RBM25: variants seen among roughly 807,000 people sequenced by gnomAD.
RBM25 encodes RNA binding motif protein 25, also known as RNA-binding protein 25.
In RBM25, 19 loss-of-function variants were observed where a neutral mutation model predicts 120.7. That is an observed-to-expected ratio of 0.16 (90% CI 0.11 to 0.23). RBM25 has a LOEUF of 0.23. RBM25 is among the 10% of genes least tolerant of loss of function. RBM25 has a pLI of 1.00. For missense variants in RBM25, 605 were observed against 1,041.5 expected (o/e 0.58, Z 5.77); for synonymous variants, 390 against 326.7 (o/e 1.19, Z -2.09).
chr14:73,109,467 C>T lies in RBM25; in HGVS notation c.1667C>T (p.Pro556Leu). The change falls in exon 14 of 19, where the codon CCA becomes CTA. Residue 556 changes from proline to leucine, a missense_variant. By Grantham distance (98) the Pro-to-Leu change is moderately conservative (BLOSUM62 -3). Transcript: ENST00000261973. ...IRQRLLAEGH[P>L]DPDAELQRME... The stretch of plus-strand genomic sequence containing the variant: ...CAGCGCCTTCTGGCAGAAGGGCATC[C>T]AGATCCAGATGCAGAGCTCCAGAGG... 1 of 1,614,072 alleles carries T rather than the reference C, an allele frequency of 6.2e-7. No homozygotes were observed. The highest frequency in any genetic ancestry group is 8.5e-7 in the Non-Finnish European group (1 of 1,179,974).
chr14:73,103,031 G>A, intron 9 of RBM25, 161 bp from the exon 10 acceptor site: 1 of 1,424,892 alleles, frequency 7.0e-7, no homozygotes, highest in Non-Finnish European at 9.5e-7. Flanking sequence ...TTCTAGTCTT[G>A]TGATTGCTTC....
chr14:73,086,444 A>C (rs2140439465), intron 5 of RBM25, among the ~76,000 whole-genome samples: 1 of 152,056 alleles, frequency 6.6e-6, no homozygotes, highest in East Asian at 1.9e-4. Context: ...CTAAAAAAAA[A>C]AAAAAACAAA....
chr14:73,061,796 G>A (rs1023834710), intron 1 of RBM25, among the ~76,000 whole-genome samples: 1 of 151,296 alleles, frequency 6.6e-6, no homozygotes, highest in South Asian at 2.1e-4. Flanking sequence ...TGGAACTCAG[G>A]CTCAAAGGAT....
intron 10 of RBM25, among the ~76,000 whole-genome samples, chr14:73,105,220 A>T (rs1262699452): frequency 6.8e-6 from 1 of 146,092 alleles, no homozygotes; most frequent in Non-Finnish European, 1.5e-5. Context: ...GGATCTTCCC[A>T]CATCAGCCTC....
intron 12 of RBM25, among the ~76,000 whole-genome samples, chr14:73,106,819 G>GTA (rs1390371497): frequency 1.3e-5 from 2 of 149,656 alleles, no homozygotes; most frequent in Non-Finnish European, 3.0e-5. Context: ...ATACATACAT[G>GTA]TATACATATA....
In RBM25 at chr14:73,112,246, C is replaced by G; in HGVS notation, c.2387C>G (p.Ser796Cys). 1.3e-6 allele frequency: 2 copies of G among 1,596,442 alleles called. No individual in the cohort carries two copies. The highest frequency in any genetic ancestry group is 2.3e-5 in the East Asian group (1 of 44,118). ...GCTACATTAGTTGATTTTGTTTGTT[C>G]TAAGGTTAGTCTTCTATTCTCTTCC... is the stretch of plus-strand genomic sequence containing the variant. ...EEATLVDFVC[S>C]KVMAHSSPQS... Residue 796 changes from serine to cysteine, a missense_variant, in exon 17 of 19, where the codon TCT becomes TGT. By Grantham distance (112) the Ser-to-Cys change is moderately radical. Transcript: ENST00000261973.
chr14:73,118,392 C>T (rs938982482), intron 18 of RBM25, among the ~76,000 whole-genome samples: 2 of 151,410 alleles, frequency 1.3e-5, no homozygotes, highest in African/African-American at 4.9e-5. Flanking sequence ...GTGGGAGTAT[C>T]ACTTGAGCCT....
intron 14 of RBM25, 52 bp from the exon 15 acceptor site, chr14:73,110,775 AAATC>A: frequency 6.5e-7 from 1 of 1,537,458 alleles, no homozygotes; most frequent in Non-Finnish European, 8.7e-7. Context: ...TGTAAAACAA[AAATC>A]AAGTTGAATG....
At chr14:73,105,126 C>CTTTTCTTTT (rs762400883) in intron 10 of RBM25, among the ~76,000 whole-genome samples, 1 of 109,564 alleles carries the variant, frequency 9.1e-6, no homozygotes, top group Non-Finnish European at 1.8e-5. Flanking sequence ...GGTTTTATTA[C>CTTTTCTTTT]TTTTTTTTTT....
chr14:73,063,231 G>C (rs890533573), intron 1 of RBM25, among the ~76,000 whole-genome samples: 2 of 150,852 alleles, frequency 1.3e-5, no homozygotes, highest in Admixed American at 6.6e-5. Context: ...CTCACTGCAA[G>C]CTCCGCCTCC....
chr14:73,108,897 CTGT>C (rs1896246492), intron 13 of RBM25, among the ~76,000 whole-genome samples: 1 of 152,180 alleles, frequency 6.6e-6, no homozygotes, highest in South Asian at 2.1e-4. Flanking sequence ...CCTCTGCTTT[CTGT>C]TGATTCTACA....
At chr14:73,103,984 A>ACT (rs1566597538) in intron 10 of RBM25, among the ~76,000 whole-genome samples, 6 of 114,856 alleles carry the variant, frequency 5.2e-5, no homozygotes, top group African/African-American at 2.1e-4. Context: ...ACACACACAC[A>ACT]CACACACACA....
At chr14:73,104,011 C>CTG (rs1207362907) in intron 10 of RBM25, among the ~76,000 whole-genome samples, 1 of 151,150 alleles carries the variant, frequency 6.6e-6, no homozygotes, top group African/African-American at 2.4e-5. Flanking sequence ...CTCTCTCTCT[C>CTG]TCTCTCACTA....
At chr14:73,092,366 G>C (rs1349521863) in intron 6 of RBM25, among the ~76,000 whole-genome samples, 2 of 152,050 alleles carry the variant, frequency 1.3e-5, no homozygotes, top group Non-Finnish European at 2.9e-5. Context: ...CTTGGTCGTT[G>C]ATTAGTTGGA....
Position 73,111,519 on chromosome 14 carries a change from T to C in RBM25, c.2018-9T>C. The C allele has an allele frequency of 6.3e-7, 1 of 1,576,764 alleles. No homozygotes were observed. Among genetic ancestry groups the C allele is most frequent in the Non-Finnish European group, 8.6e-7 (1 of 1,165,912 alleles). Reference sequence around the variant, plus strand: ...AAGTCATCTTGCTAAGAGAGTGTTTTTACTGTAGGTGCTTCCAATAGTCCT... The same window carrying C: ...AAGTCATCTTGCTAAGAGAGTGTTTCTACTGTAGGTGCTTCCAATAGTCCT... On this transcript the variant is annotated splice_polypyrimidine_tract_variant and intron_variant, in intron 15 of 18. Transcript: ENST00000261973.
At chr14:73,103,853 C>T (rs1442513665) in intron 10 of RBM25, among the ~76,000 whole-genome samples, 1 of 150,984 alleles carries the variant, frequency 6.6e-6, no homozygotes, top group Non-Finnish European at 1.5e-5. Flanking sequence ...TGTGCCCAGC[C>T]TGAGAATTTT....
At chr14:73,110,443 T>G (rs1404127771) in intron 14 of RBM25, among the ~76,000 whole-genome samples, 2 of 151,622 alleles carry the variant, frequency 1.3e-5, no homozygotes, top group East Asian at 3.9e-4. Flanking sequence ...TTCTTTTTCT[T>G]TTTTTTTGAG....
chr14:73,087,905 T>G, intron 5 of RBM25, 96 bp from the exon 6 acceptor site: 1 of 1,236,690 alleles, frequency 8.1e-7, no homozygotes, highest in Middle Eastern at 2.0e-4. Context: ...GGTCTTTGTA[T>G]TAAAACATTT....
At chr14:73,115,556 A>T (rs2140466443) in intron 18 of RBM25, among the ~76,000 whole-genome samples, 1 of 152,354 alleles carries the variant, frequency 6.6e-6, no homozygotes, top group Middle Eastern at 3.4e-3. Context: ...TTGGACAGGT[A>T]TCCAAACACC....
Sources: allele counts gnomAD v4.1 joint callset (sites outside exome capture counted in the v4.1 genomes callset), GRCh38; gene constraint gnomAD v4.1.1; transcripts MANE v1.5; gene names NCBI Gene and HGNC (gene_info 2026-07-23, HGNC 2026-07-21).